Variants in NIPSNAP2 observed in about 807,000 individuals in gnomAD.
The protein encoded by NIPSNAP2 is nipsnap homolog 2.
NIPSNAP2 carries 42 observed loss-of-function variants against 48.4 expected under a neutral mutation model. The ratio of observed to expected loss-of-function variants is 0.87; its 90% confidence interval spans 0.68 to 1.12. The LOEUF (loss-of-function observed/expected upper bound fraction) is 1.12. Ranked by LOEUF, NIPSNAP2 falls within the 50% of genes most tolerant of loss-of-function variation. The probability of loss-of-function intolerance (pLI) is 0.00; values close to 1 mark genes in which losing one functional copy is unlikely to be tolerated. For missense variants in NIPSNAP2, 314 were observed against 347.3 expected, an observed-to-expected ratio of 0.90 and a Z score of 0.76; for synonymous variants, 158 against 126.6, an observed-to-expected ratio of 1.25 and a Z score of -1.67.
intron 3 of NIPSNAP2, chr7:55,980,238 A>C: frequency 5.7e-6 from 1 of 176,192 alleles, no homozygotes. Context: ...AGTAAATGCT[A>C]CTCTTCCAAA....
At position 55,984,854 on chromosome 7, in the gene NIPSNAP2, C is replaced by T. The variant is rs200668379; in HGVS notation, c.593C>T (p.Thr198Ile). Residue 198 changes from threonine to isoleucine, a missense_variant, in exon 7 of 10, where the codon ACC (threonine) becomes ATC (isoleucine). Physicochemically the swap from Thr to Ile is moderately conservative, Grantham distance 89. This residue lies in a region of NIPSNAP2 where 116 missense variants were observed against 161.8 expected (regional missense o/e 0.72). Transcript: ENST00000322090. Reference sequence around the variant, plus strand: ...ATCTAAATCTGTTTTCAGCCAGGAACCATGATTGAATGGGGCAATTACTGG... The same window carrying T: ...ATCTAAATCTGTTTTCAGCCAGGAATCATGATTGAATGGGGCAATTACTGG... ...ELRSYQLRPG[T>I]MIEWGNYWAR... 6 of 1,608,782 alleles carry T rather than the reference C, an allele frequency of 3.7e-6. No individual in the cohort carries two copies. The highest frequency in any genetic ancestry group is 5.1e-6 in the Non-Finnish European group (6 of 1,178,128).
intron 7 of NIPSNAP2, among the ~76,000 whole-genome samples, chr7:55,992,653 T>A (rs1396569795): frequency 6.6e-6 from 1 of 152,232 alleles, no homozygotes; most frequent in Admixed American, 6.5e-5. Flanking sequence ...TCTTTCACTG[T>A]CATTGTTAGT....
intron 1 of NIPSNAP2, among the ~76,000 whole-genome samples, chr7:55,968,995 C>T (rs752911330): frequency 6.6e-6 from 1 of 150,646 alleles, no homozygotes; most frequent in Non-Finnish European, 1.5e-5. Flanking sequence ...TGAAGTGAGC[C>T]GAGATCGCGC....
At chr7:55,977,138 C>T (rs1319177738) in intron 1 of NIPSNAP2, among the ~76,000 whole-genome samples, 2 of 151,862 alleles carry the variant, frequency 1.3e-5, no homozygotes, top group Non-Finnish European at 2.9e-5. Context: ...TGCCTGTAAT[C>T]CTAGCACTTT....
intron 1 of NIPSNAP2, among the ~76,000 whole-genome samples, chr7:55,977,408 G>T (rs553020789): frequency 2.8e-4 from 43 of 151,968 alleles, no homozygotes; most frequent in African/African-American, 8.2e-4. Context: ...ATTTTTTTTT[G>T]ATTTTTAAGT....
In NIPSNAP2 at chr7:56,000,108, G is replaced by A. The variant is rs1197913435; in HGVS notation, c.*1036G>A. ...AGTGTGAATAAATCTCATATCAAAT[G>A]TCAAACTTTTACATGTGAATGATTT... On this transcript the variant is annotated 3_prime_UTR_variant, in exon 10 of 10. Transcript: ENST00000322090. 6.6e-6 allele frequency: 1 copy of A among 152,590 alleles called. No individual in the cohort carries two copies. Among genetic ancestry groups the A allele is most frequent in the East Asian group, 1.9e-4 (1 of 5,198 alleles). 9.5% of individuals were successfully genotyped at this position (152,590 alleles called of 1,614,324 possible).
chr7:55,984,759 A>G, intron 6 of NIPSNAP2, 88 bp from the exon 7 acceptor site: 1 of 1,024,712 alleles, frequency 9.8e-7, no homozygotes, highest in Non-Finnish European at 1.5e-6. Flanking sequence ...TAGTTTTGTC[A>G]CTTAATGTTT....
chr7:55,991,472 C>T (rs1336988759), intron 7 of NIPSNAP2, among the ~76,000 whole-genome samples: 6 of 151,568 alleles, frequency 4.0e-5, no homozygotes, highest in Non-Finnish European at 7.4e-5. Flanking sequence ...TTTGACCAGG[C>T]GCGGTGGCTC....
rs1316513379 is a variant in NIPSNAP2 at position 55,983,966 on chromosome 7, T to G, written c.585+98T>G. On this transcript the variant is annotated intron_variant, in intron 6 of 9. Coordinates refer to ENST00000322090, the MANE Select transcript of NIPSNAP2 (RefSeq NM_001483.3). ...CAGAACTTGTGTGTACATTCTGTGATGTATGTCTAGCATTATATGTATATA... is the reference window on the plus strand; with the variant it reads ...CAGAACTTGTGTGTACATTCTGTGAGGTATGTCTAGCATTATATGTATATA... 1.1e-5 allele frequency: 9 copies of G among 837,940 alleles called. No individual in the cohort carries two copies. The African/African-American group carries it at 1.5e-4, about 14-fold the overall frequency. The allele number at this position is 837,940 out of a possible 1,614,324, so 51.9% of individuals were successfully genotyped here.
chr7:55,995,517 A>G lies in NIPSNAP2; in HGVS notation c.712+529A>G, dbSNP rs576093024. ...ATGTCACCCTTCCCCAGTAGTGAAC[A>G]TCATCACTCCTCCTGAGCCCCCAGA... On this transcript the variant is annotated intron_variant, in intron 8 of 9. Coordinates refer to ENST00000322090, the MANE Select transcript of NIPSNAP2 (RefSeq NM_001483.3). 4.3e-4 allele frequency among the ~76,000 whole-genome samples: 66 copies of G among 152,240 alleles called. 1 individual carries two copies. Among genetic ancestry groups the G allele is most frequent in the African/African-American group, 1.3e-3 (55 of 41,548 alleles).
At chr7:55,974,826 C>T (rs1030047935) in intron 1 of NIPSNAP2, among the ~76,000 whole-genome samples, 17 of 134,846 alleles carry the variant, frequency 1.3e-4, no homozygotes, top group Admixed American at 1.1e-3. Context: ...CCAGCCTGGG[C>T]AACAGAGCGC....
intron 1 of NIPSNAP2, 99 bp downstream of exon 1, chr7:55,964,800 C>T (rs917818372): frequency 3.4e-5 from 18 of 535,958 alleles, no homozygotes; most frequent in Non-Finnish European, 4.2e-5. Flanking sequence ...GGCCCTGTCC[C>T]CAGCGCGGGT....
At chr7:55,982,345 A>G in intron 5 of NIPSNAP2, 65 bp downstream of exon 5, 1 of 962,166 alleles carries the variant, frequency 1.0e-6, no homozygotes. Flanking sequence ...GAATTAAATG[A>G]CTTTTCTGTC....
intron 9 of NIPSNAP2, 125 bp downstream of exon 9, chr7:55,997,574 G>GCAA: frequency 1.5e-6 from 1 of 666,740 alleles, no homozygotes; most frequent in Admixed American, 2.7e-5. Flanking sequence ...ATCAGGTTGT[G>GCAA]GGGGGAAGGG....
chr7:55,985,877 A>T (rs1220940736), intron 7 of NIPSNAP2, among the ~76,000 whole-genome samples: 1 of 151,266 alleles, frequency 6.6e-6, no homozygotes, highest in African/African-American at 2.4e-5. Flanking sequence ...GCAAAACCCC[A>T]TCTCTACTGA....
chr7:55,983,609 G>T, intron 5 of NIPSNAP2, 119 bp from the exon 6 acceptor site: 1 of 946,914 alleles, frequency 1.1e-6, no homozygotes, highest in South Asian at 1.8e-5. Context: ...GACTGTCTCA[G>T]GCCAACTGGG....
At chr7:55,965,588 T>G (rs1375890003) in intron 1 of NIPSNAP2, among the ~76,000 whole-genome samples, 1 of 152,036 alleles carries the variant, frequency 6.6e-6, no homozygotes. Context: ...GTTTATTTAT[T>G]TATATTTTTG....
At chr7:55,988,139 G>A (rs537861682) in intron 7 of NIPSNAP2, among the ~76,000 whole-genome samples, 1 of 152,132 alleles carries the variant, frequency 6.6e-6, no homozygotes, top group African/African-American at 2.4e-5. Flanking sequence ...GCACATGCCT[G>A]TAATCTCAGC....
intron 1 of NIPSNAP2, 52 bp from the exon 2 acceptor site, chr7:55,978,074 A>G: frequency 6.3e-7 from 1 of 1,594,758 alleles, no homozygotes; most frequent in Non-Finnish European, 8.6e-7. Flanking sequence ...AGATTAACTG[A>G]TGGATATATG....
Sources: gnomAD v4.1 joint callset for allele counts (sites outside exome capture counted in the v4.1 genomes callset) on GRCh38, gnomAD v4.1.1 for gene constraint, gnomAD v4.1.1 regional missense constraint, MANE v1.5 for transcripts, NCBI Gene and HGNC (gene_info 2026-07-23, HGNC 2026-07-21) for gene names.